Variants in NRXN3 observed in about 807,000 individuals in gnomAD.
NRXN3 encodes neurexin 3.
NRXN3 carries 32 observed loss-of-function variants against 137.6 expected under a neutral mutation model. The ratio of observed to expected loss-of-function variants is 0.23; its 90% CI spans 0.18 to 0.31. NRXN3 has a LOEUF of 0.31. NRXN3 is among the 10% of genes least tolerant of loss of function. The pLI is 1.00. For missense variants in NRXN3, 1,574 were observed against 2,062.5 expected (o/e 0.76, Z 4.59); for synonymous variants, 798 against 784.5 (o/e 1.02, Z -0.29).
chr14:79,252,805 C>T lies in NRXN3; in HGVS notation c.3263-214416C>T, dbSNP rs184766819. 6.1e-3 allele frequency among the ~76,000 whole-genome samples: 923 copies of T among 152,250 alleles called. 9 individuals carry two copies. The highest frequency in any genetic ancestry group is 6.7e-3 in the Non-Finnish European group (455 of 67,996). On this transcript the variant is annotated intron_variant, in intron 15 of 20. Transcript: ENST00000335750. Reference sequence around the variant, plus strand: ...CTTGTGGAGCTAGAACATACCTTCCCTCTGTTTTGTAAAGATGAGCCTCCT... The same window carrying T: ...CTTGTGGAGCTAGAACATACCTTCCTTCTGTTTTGTAAAGATGAGCCTCCT...
chr14:78,843,554 C>T (rs527844978), intron 10 of NRXN3, among the ~76,000 whole-genome samples: 3 of 152,076 alleles, frequency 2.0e-5, no homozygotes, highest in East Asian at 1.9e-4. Context: ...CTTGTACAGA[C>T]GTAATACTAA....
intron 15 of NRXN3, among the ~76,000 whole-genome samples, chr14:79,424,516 C>T (rs543517032): frequency 1.3e-5 from 2 of 152,144 alleles, no homozygotes; most frequent in Non-Finnish European, 2.9e-5. Context: ...ATTTAAAATT[C>T]ACATTAACTA....
chr14:78,960,145 C>T (rs1450402963), intron 11 of NRXN3, among the ~76,000 whole-genome samples: 2 of 152,096 alleles, frequency 1.3e-5, no homozygotes, highest in East Asian at 1.9e-4. Context: ...ATTAATGAAA[C>T]GCTTTCATTT....
At chr14:78,970,289 A>G (rs1290109727) in intron 14 of NRXN3, among the ~76,000 whole-genome samples, 1 of 152,224 alleles carries the variant, frequency 6.6e-6, no homozygotes, top group Non-Finnish European at 1.5e-5. Flanking sequence ...TTAAAAAGGT[A>G]TAAAGTAACA....
At chr14:78,170,906 G>C (rs1042184433) in intron 1 of NRXN3, among the ~76,000 whole-genome samples, 2 of 150,790 alleles carry the variant, frequency 1.3e-5, no homozygotes, top group Non-Finnish European at 2.9e-5. Flanking sequence ...TTTTCCTCCA[G>C]ATGTTGGAAA....
intron 16 of NRXN3, among the ~76,000 whole-genome samples, chr14:79,651,955 T>C (rs2098478306): frequency 6.6e-6 from 1 of 152,168 alleles, no homozygotes; most frequent in Non-Finnish European, 1.5e-5. Context: ...TATAATAGAT[T>C]CATATTCCTG....
chr14:79,608,203 A>G (rs1422473335), intron 16 of NRXN3, among the ~76,000 whole-genome samples: 1 of 152,216 alleles, frequency 6.6e-6, no homozygotes, highest in African/African-American at 2.4e-5. Context: ...AGCATGGTTC[A>G]AGATTTTGTA....
At chr14:78,786,484 A>C (rs1211690957) in intron 8 of NRXN3, among the ~76,000 whole-genome samples, 1 of 152,168 alleles carries the variant, frequency 6.6e-6, no homozygotes, top group Non-Finnish European at 1.5e-5. Context: ...CTGTACACAA[A>C]GTTAGAGTTG....
At chr14:78,465,539 G>T (rs2095073988) in intron 4 of NRXN3, among the ~76,000 whole-genome samples, 1 of 152,056 alleles carries the variant, frequency 6.6e-6, no homozygotes, top group African/African-American at 2.4e-5. Flanking sequence ...TTGTTTGTTT[G>T]TTTTTTGTTT....
At chr14:78,206,594 C>T (rs1165815434) in intron 1 of NRXN3, among the ~76,000 whole-genome samples, 4 of 152,178 alleles carry the variant, frequency 2.6e-5, no homozygotes, top group Non-Finnish European at 4.4e-5. Flanking sequence ...GCTCCCATTG[C>T]TTAACTAGTG....
At chr14:78,640,858 G>A (rs1042739054) in intron 4 of NRXN3, among the ~76,000 whole-genome samples, 2 of 152,150 alleles carry the variant, frequency 1.3e-5, no homozygotes, top group African/African-American at 4.8e-5. Context: ...CACTTATGCA[G>A]TTGATTGTAA....
Position 78,470,724 on chromosome 14 carries a change from A to G in NRXN3, c.757+172864A>G, listed in dbSNP as rs1028807403. On this transcript the variant is annotated intron_variant, in intron 4 of 20. Transcript: ENST00000335750. ...GATGGGGAGGAAATAAAGAAGAGAT[A>G]TTTGTGTAAATATGGTTTCATCTAT... Among the ~76,000 whole-genome samples the G allele has an allele frequency of 3.9e-5, 6 of 152,128 alleles. No homozygotes were observed. The South Asian group carries it at 6.2e-4, about 16-fold the overall frequency.
intron 19 of NRXN3, among the ~76,000 whole-genome samples, chr14:79,783,532 T>C (rs985202066): frequency 2.6e-5 from 4 of 152,186 alleles, no homozygotes; most frequent in African/African-American, 4.8e-5. Flanking sequence ...AATGTTGATA[T>C]TGACTAAAAA....
At chr14:79,814,238 T>C (rs1298891658) in intron 20 of NRXN3, among the ~76,000 whole-genome samples, 1 of 152,262 alleles carries the variant, frequency 6.6e-6, no homozygotes, top group Non-Finnish European at 1.5e-5. Context: ...GTGTTTTCTT[T>C]TCTTGGCACA....
intron 15 of NRXN3, among the ~76,000 whole-genome samples, chr14:79,244,945 A>G (rs969117938): frequency 1.3e-5 from 2 of 152,164 alleles, no homozygotes; most frequent in African/African-American, 4.8e-5. Flanking sequence ...AGAGGTTTCA[A>G]CTGTCGAGTC....
intron 15 of NRXN3, 140 bp from the exon 16 acceptor site, chr14:79,467,081 G>C (rs563685543): frequency 4.3e-6 from 3 of 705,062 alleles, no homozygotes; most frequent in African/African-American, 1.8e-5. Context: ...TTTGGGAGCC[G>C]TTCCTCTCAG....
intron 4 of NRXN3, among the ~76,000 whole-genome samples, chr14:78,633,940 G>A (rs536500332): frequency 3.9e-5 from 6 of 152,352 alleles, no homozygotes; most frequent in African/African-American, 1.4e-4. Flanking sequence ...AACAAAGGAG[G>A]AGCTGGGCTG....
At chr14:79,811,805 A>C (rs2099234860) in intron 20 of NRXN3, among the ~76,000 whole-genome samples, 1 of 151,122 alleles carries the variant, frequency 6.6e-6, no homozygotes, top group Non-Finnish European at 1.5e-5. Context: ...GATGGTCTCA[A>C]TCTCCTGACC....
At chr14:78,863,108 G>A (rs981236766) in intron 10 of NRXN3, among the ~76,000 whole-genome samples, 3 of 151,958 alleles carry the variant, frequency 2.0e-5, no homozygotes, top group Non-Finnish European at 4.4e-5. Context: ...CCTTTATTTC[G>A]GCCATCAGAC....
Sources: gnomAD v4.1 joint callset for allele counts (sites outside exome capture counted in the v4.1 genomes callset) on GRCh38, gnomAD v4.1.1 for gene constraint, MANE v1.5 for transcripts, NCBI Gene and HGNC (gene_info 2026-07-23, HGNC 2026-07-21) for gene names.